DCAF6: variants seen among roughly 807,000 people sequenced by gnomAD.
DCAF6 encodes DDB1 and CUL4 associated factor 6.
Under a neutral mutation model 125.1 loss-of-function variants are expected in DCAF6, and 54 were observed. The observed-to-expected ratio is 0.43, with a 90% CI of 0.35 to 0.54. DCAF6 has a LOEUF of 0.54. DCAF6 is among the 20% of genes least tolerant of loss of function. The probability of loss-of-function intolerance (pLI) is 0.01; values close to 1 mark genes in which losing one functional copy is unlikely to be tolerated. For synonymous variants in DCAF6, 371 were observed against 390.4 expected (o/e 0.95, Z 0.58); for missense variants, 934 against 1,161.7 (o/e 0.80, Z 2.85).
intron 1 of DCAF6, among the ~76,000 whole-genome samples, chr1:167,942,077 G>A (rs1356694710): frequency 6.6e-6 from 1 of 151,752 alleles, no homozygotes; most frequent in South Asian, 2.1e-4. Context: ...CTCTTTTTTT[G>A]TTTTTGAGAC....
chr1:167,907,686 AGT>A, the DCAF6 span, among the ~76,000 whole-genome samples: 2 of 152,216 alleles, frequency 1.3e-5, no homozygotes, highest in Admixed American at 6.5e-5. Flanking sequence ...GATTAAAAGG[AGT>A]CAAATGGATT....
intron 12 of DCAF6, among the ~76,000 whole-genome samples, chr1:168,034,490 TAGA>T (rs760635580): frequency 6.6e-6 from 1 of 152,108 alleles, no homozygotes; most frequent in Non-Finnish European, 1.5e-5. Flanking sequence ...CCGTGGGTGA[TAGA>T]GCAAGACCCT....
intron 11 of DCAF6, 137 bp downstream of exon 11, chr1:168,016,088 TG>T (rs3831959): frequency 0.36 from 217,725 of 611,844 alleles, 44,589 homozygotes; most frequent in African/African-American, 0.68. Context: ...TCCTTGCATA[TG>T]GGTGGTATTC....
chr1:167,934,371 GATTATTACAAAA>G (rs1671000577), upstream of DCAF6, among the ~76,000 whole-genome samples: 1 of 152,096 alleles, frequency 6.6e-6, no homozygotes, highest in Non-Finnish European at 1.5e-5. Flanking sequence ...GTAAAGCCCA[GATTATTACAAAA>G]AGCATAGCTC....
intron 4 of DCAF6, among the ~76,000 whole-genome samples, chr1:167,985,446 C>G (rs1358244529): frequency 6.6e-6 from 1 of 152,106 alleles, no homozygotes; most frequent in Non-Finnish European, 1.5e-5. Context: ...AACATAGCAT[C>G]TTGAGATCTC....
intron 10 of DCAF6, 45 bp from the exon 11 acceptor site, chr1:168,015,736 T>C: frequency 7.3e-7 from 1 of 1,379,162 alleles, no homozygotes; most frequent in Non-Finnish European, 9.5e-7. Context: ...TATTATTTTC[T>C]ATTTTATTAC....
chr1:168,055,797 G>A (rs1483401638), intron 17 of DCAF6: 17 of 800,696 alleles, frequency 2.1e-5, no homozygotes, highest in African/African-American at 2.1e-4. Flanking sequence ...TTTCCCCATC[G>A]GTAATACTAA....
At chr1:167,884,157 G>A in the DCAF6 span, among the ~76,000 whole-genome samples, 3 of 152,032 alleles carry the variant, frequency 2.0e-5, no homozygotes, top group African/African-American at 4.8e-5. Context: ...GTATTAGTCC[G>A]TTCTCCCACT....
Position 167,987,628 on chromosome 1 carries a change from A to G in DCAF6, c.552+20A>G, listed in dbSNP as rs1680198892. 1.6e-6 allele frequency: 2 copies of G among 1,248,310 alleles called. No homozygotes were observed. 77.3% of individuals were successfully genotyped at this position (1,248,310 alleles called of 1,614,324 possible). A position where few individuals can be genotyped will look rare whatever the true frequency, so the allele number is the denominator to read the frequency against. ...AAAGATGTAAGAATTAAATTTTTAT[A>G]CAAATGATGCAGAAAAAATTAAGGT... On this transcript the variant is annotated intron_variant, in intron 5 of 21. Coordinates refer to ENST00000367840, the MANE Select transcript of DCAF6 (RefSeq NM_001198956.2).
At chr1:168,019,135 A>G (rs1302624294) in intron 11 of DCAF6, among the ~76,000 whole-genome samples, 1 of 150,604 alleles carries the variant, frequency 6.6e-6, no homozygotes, top group Non-Finnish European at 1.5e-5. Flanking sequence ...TGCAACCTCC[A>G]CCTCCCGGGT....
chr1:167,999,366 C>A (rs2103054324), intron 7 of DCAF6, among the ~76,000 whole-genome samples: 1 of 152,266 alleles, frequency 6.6e-6, no homozygotes, highest in African/African-American at 2.4e-5. Context: ...GCATTGGCTT[C>A]TGCTTAATGT....
chr1:167,872,151 C>T, the DCAF6 span, among the ~76,000 whole-genome samples: 2 of 152,054 alleles, frequency 1.3e-5, no homozygotes, highest in Non-Finnish European at 2.9e-5. Flanking sequence ...AGACCAGCCT[C>T]AACATGGAGA....
chr1:168,023,237 A>G (rs1685888252), intron 12 of DCAF6, 190 bp downstream of exon 12: 4 of 596,876 alleles, frequency 6.7e-6, no homozygotes, highest in Non-Finnish European at 8.8e-6. Context: ...ATTATTTTCT[A>G]TGTAAGCTCA....
At chr1:167,952,271 GCTCACTGCAAGCTCAGC>G (rs1674077507) in intron 2 of DCAF6, among the ~76,000 whole-genome samples, 1 of 152,038 alleles carries the variant, frequency 6.6e-6, no homozygotes, top group South Asian at 2.1e-4. Flanking sequence ...CGCAATCTCG[GCTCACTGCAAGCTCAGC>G]CTCCCTGCAA....
chr1:167,883,501 A>C, the DCAF6 span: 1 of 1,614,252 alleles, frequency 6.2e-7, no homozygotes, highest in Non-Finnish European at 8.5e-7. Context: ...AGTGATGTGC[A>C]TATAGGCATC....
At chr1:168,010,838 A>G in intron 10 of DCAF6, among the ~76,000 whole-genome samples, 1 of 152,090 alleles carries the variant, frequency 6.6e-6, no homozygotes, top group East Asian at 1.9e-4. Context: ...GTTTTCATTT[A>G]GTTCATGATT....
chr1:168,046,106 G>T (rs565198348), intron 16 of DCAF6, among the ~76,000 whole-genome samples: 1 of 152,214 alleles, frequency 6.6e-6, no homozygotes, highest in South Asian at 2.1e-4. Flanking sequence ...TCAAGAGCAT[G>T]ATGATGGGTT....
chr1:167,991,587 A>G (rs1680841714), intron 6 of DCAF6, among the ~76,000 whole-genome samples: 1 of 152,176 alleles, frequency 6.6e-6, no homozygotes, highest in Admixed American at 6.5e-5. Context: ...AAATGACCAC[A>G]AACTGGGTAT....
intron 2 of DCAF6, among the ~76,000 whole-genome samples, chr1:167,955,641 A>T (rs1674661920): frequency 6.6e-6 from 1 of 151,998 alleles, no homozygotes; most frequent in Admixed American, 6.6e-5. Flanking sequence ...TCTGAGAATT[A>T]AGTTAGTTTT....
Sources: allele counts gnomAD v4.1 joint callset (sites outside exome capture counted in the v4.1 genomes callset), GRCh38; gene constraint gnomAD v4.1.1; transcripts MANE v1.5; gene names NCBI Gene and HGNC (gene_info 2026-07-23, HGNC 2026-07-21).